The following ASH2L variants were observed in gnomAD, a reference collection of about 807,000 sequenced individuals.
The protein encoded by ASH2L is ASH2 like, histone lysine methyltransferase complex subunit.
A neutral mutation model predicts 81.1 loss-of-function variants in ASH2L; 30 were observed. That is an observed-to-expected ratio of 0.37 (90% CI 0.28 to 0.50). The LOEUF (loss-of-function observed/expected upper bound fraction) is 0.50, where lower values mean the gene tolerates loss of function less well. Ranked by LOEUF, ASH2L falls within the 20% of genes least tolerant of loss-of-function variation. ASH2L has a pLI of 0.95. For missense variants in ASH2L, 559 were observed against 792.1 expected (o/e 0.71, Z 3.53); for synonymous variants, 273 against 279.9 (o/e 0.98, Z 0.24).
At chr8:38,124,142 T>A (rs997915650) in intron 10 of ASH2L, 1 of 151,616 alleles carries the variant, frequency 6.6e-6, no homozygotes, top group African/African-American at 2.4e-5. Flanking sequence ...CGCCCAGCCT[T>A]ATCTCCTTTT....
rs796294951 is a variant in ASH2L, at chr8:38,134,335, T to C, written c.1620+789T>C. ...ATGATCAATGAAAAAAAAAAAAAAA[T>C]AGTGGCCTGTTGGGAAATCTACAAG... On this transcript the variant is annotated intron_variant, in intron 13 of 15. Coordinates refer to ENST00000343823, the MANE Select transcript of ASH2L (RefSeq NM_004674.5). Among the ~76,000 whole-genome samples, 26 of 144,962 alleles carry C rather than the reference T, an allele frequency of 1.8e-4. 1 individual carries two copies. Among genetic ancestry groups the C allele is most frequent in the African/African-American group, 5.6e-4 (22 of 39,288 alleles).
chr8:38,135,143 G>A (rs1288960683), intron 13 of ASH2L, among the ~76,000 whole-genome samples: 1 of 152,008 alleles, frequency 6.6e-6, no homozygotes, highest in Non-Finnish European at 1.5e-5. Flanking sequence ...CTCTCTCCTC[G>A]GCCTCCCAGC....
chr8:38,139,230 CTT>C lies in ASH2L; in HGVS notation c.*161_*162del. ...GGTAGGACTGCGGGAGACTGCCTGC[CTT>C]TCACCATTTTCTCCCCACTTCCAGT... On this transcript the variant is annotated 3_prime_UTR_variant, in exon 16 of 16. Transcript: ENST00000343823. The C allele has an allele frequency of 3.4e-6, 2 of 587,912 alleles. No homozygotes were observed. The highest frequency in any genetic ancestry group is 9.2e-4 in the Middle Eastern group (2 of 2,178). The allele number at this position is 587,912 out of a possible 1,614,324, so 36.4% of individuals were successfully genotyped here. A position where few individuals can be genotyped will look rare whatever the true frequency, so the allele number is the denominator to read the frequency against.
intron 3 of ASH2L, 53 bp from the exon 4 acceptor site, chr8:38,110,323 AAAG>A: frequency 2.9e-6 from 4 of 1,363,258 alleles, no homozygotes; most frequent in Middle Eastern, 3.6e-4. Flanking sequence ...AAAAAAAGAA[AAAG>A]AAGTGTGTGT....
intron 11 of ASH2L, 81 bp downstream of exon 11, chr8:38,128,539 T>C: frequency 6.5e-7 from 1 of 1,541,252 alleles, no homozygotes; most frequent in South Asian, 1.3e-5. Context: ...TTCAAGGCTG[T>C]TGGGTTTACC....
chr8:38,110,620 ACATGATGACTC>A (rs1249372518), intron 4 of ASH2L, 108 bp from the exon 5 acceptor site: 3 of 1,127,694 alleles, frequency 2.7e-6, no homozygotes, highest in African/African-American at 3.1e-5. Flanking sequence ...ATTTCAGGTC[ACATGATGACTC>A]CATTTTGCTG....
At chr8:38,114,419 C>A in intron 6 of ASH2L, 132 bp downstream of exon 6, 2 of 622,064 alleles carry the variant, frequency 3.2e-6, no homozygotes, top group Non-Finnish European at 5.5e-6. Flanking sequence ...GTGTGAGATA[C>A]AGCTAATTGT....
At chr8:38,122,535 G>A (rs1801671532) in intron 10 of ASH2L, 1 of 152,020 alleles carries the variant, frequency 6.6e-6, no homozygotes, top group African/African-American at 2.4e-5. Flanking sequence ...GGTGTTAGGT[G>A]TGCTGTTACT....
At chr8:38,107,625 C>G (rs1356755558) in intron 3 of ASH2L, among the ~76,000 whole-genome samples, 1 of 152,038 alleles carries the variant, frequency 6.6e-6, no homozygotes, top group East Asian at 1.9e-4. Flanking sequence ...ATTGTCTACT[C>G]TCCTCAGCAA....
intron 10 of ASH2L, among the ~76,000 whole-genome samples, chr8:38,123,796 A>G (rs1801724628): frequency 6.6e-6 from 1 of 152,136 alleles, no homozygotes; most frequent in Non-Finnish European, 1.5e-5. Context: ...TTCTTCACAA[A>G]TGAGCAGATA....
intron 13 of ASH2L, among the ~76,000 whole-genome samples, chr8:38,133,931 G>A (rs969804673): frequency 2.6e-5 from 4 of 152,210 alleles, no homozygotes; most frequent in Non-Finnish European, 5.9e-5. Context: ...TGCTGTGTCT[G>A]TGTGGAAAGA....
At chr8:38,115,843 C>T (rs1372454612) in intron 7 of ASH2L, among the ~76,000 whole-genome samples, 1 of 152,176 alleles carries the variant, frequency 6.6e-6, no homozygotes, top group African/African-American at 2.4e-5. Context: ...CTGATCCTTA[C>T]ACTTGGCCTA....
intron 5 of ASH2L, among the ~76,000 whole-genome samples, chr8:38,111,477 T>C (rs1810677834): frequency 6.6e-6 from 1 of 152,106 alleles, no homozygotes; most frequent in Admixed American, 6.6e-5. Flanking sequence ...AGACTTGACC[T>C]CCTGGGCTCA....
chr8:38,117,392 A>G, intron 8 of ASH2L: 8 of 939,624 alleles, frequency 8.5e-6, no homozygotes, highest in Non-Finnish European at 1.0e-5. Flanking sequence ...TTTACAACAT[A>G]TTTTCCCGTT....
chr8:38,114,189 T>C lies in ASH2L; in HGVS notation c.586-3T>C, dbSNP rs138922544. ...AATAGTCTTAATTTATTTTGAAAATTAGGATATTATACCATTTATTGATAA... is the reference window on the plus strand; with the variant it reads ...AATAGTCTTAATTTATTTTGAAAATCAGGATATTATACCATTTATTGATAA... On this transcript the variant is annotated splice_region_variant and splice_polypyrimidine_tract_variant and intron_variant, in intron 5 of 15. Transcript: ENST00000343823. 2.3e-5 allele frequency: 35 copies of C among 1,531,746 alleles called. No individual in the cohort carries two copies. The East Asian group carries it at 7.9e-4, about 35-fold the overall frequency. 94.9% of individuals were successfully genotyped at this position (1,531,746 alleles called of 1,614,324 possible). A position where few individuals can be genotyped will look rare whatever the true frequency, so the allele number is the denominator to read the frequency against.
intron 9 of ASH2L, among the ~76,000 whole-genome samples, chr8:38,120,531 TTA>T (rs1454714347): frequency 6.7e-6 from 1 of 149,950 alleles, no homozygotes; most frequent in African/African-American, 2.5e-5. Flanking sequence ...TAGCAAGTGC[TTA>T]TGTCTCTGAG....
chr8:38,131,695 G>GT (rs1802065317), intron 12 of ASH2L, among the ~76,000 whole-genome samples: 1 of 152,124 alleles, frequency 6.6e-6, no homozygotes, highest in South Asian at 2.1e-4. Context: ...CCACACGACA[G>GT]AATACTATGG....
intron 11 of ASH2L, 149 bp downstream of exon 11, chr8:38,128,607 T>C (rs1162592238): frequency 2.1e-6 from 3 of 1,453,686 alleles, no homozygotes; most frequent in Non-Finnish European, 2.8e-6. Context: ...ATTCCCGGGA[T>C]ATTTTTGTAA....
At chr8:38,111,922 T>TC (rs1248190194) in intron 5 of ASH2L, among the ~76,000 whole-genome samples, 2 of 152,214 alleles carry the variant, frequency 1.3e-5, no homozygotes, top group Non-Finnish European at 2.9e-5. Context: ...AATATCCTCC[T>TC]CTATAGCTTC....
Sources: allele counts gnomAD v4.1 joint callset (sites outside exome capture counted in the v4.1 genomes callset), GRCh38; gene constraint gnomAD v4.1.1; transcripts MANE v1.5; gene names NCBI Gene and HGNC (gene_info 2026-07-23, HGNC 2026-07-21).